Variants in CNTN5 observed in about 807,000 individuals in gnomAD.
The protein encoded by CNTN5 is contactin 5.
Under a neutral mutation model 129.1 loss-of-function variants are expected in CNTN5, and 77 were observed. The observed-to-expected ratio is 0.60, with a 90% CI of 0.50 to 0.72. The LOEUF is 0.72. CNTN5 is among the 30% of genes least tolerant of loss of function. The pLI is 0.00. For synonymous variants in CNTN5, 509 were observed against 465.6 expected, an observed-to-expected ratio of 1.09 and a Z score of -1.20; for missense variants, 1,478 against 1,328.8, an observed-to-expected ratio of 1.11 and a Z score of -1.75.
chr11:99,057,710 C>A (rs1161889519), intron 1 of CNTN5, among the ~76,000 whole-genome samples: 2 of 151,552 alleles, frequency 1.3e-5, no homozygotes, highest in East Asian at 3.9e-4. Context: ...AAAAAAAGTG[C>A]CCACTGTAAT....
chr11:100,053,583 A>C (rs61908081), intron 9 of CNTN5, among the ~76,000 whole-genome samples: 32,591 of 151,640 alleles, frequency 0.21, 4,085 homozygotes, highest in East Asian at 0.46. Context: ...AGTATTTTCA[A>C]AGATGTAGAA....
chr11:99,802,885 A>G (rs1378232077), intron 3 of CNTN5, among the ~76,000 whole-genome samples: 3 of 152,066 alleles, frequency 2.0e-5, no homozygotes, highest in East Asian at 1.9e-4. Flanking sequence ...ATGCAACACC[A>G]TCTATGCACA....
chr11:99,972,804 G>T (rs936387625), intron 8 of CNTN5, among the ~76,000 whole-genome samples: 1 of 152,068 alleles, frequency 6.6e-6, no homozygotes, highest in Non-Finnish European at 1.5e-5. Context: ...GGAAGAACGA[G>T]ACCAGTTATG....
At chr11:99,333,972 TCA>T (rs3990852) in intron 2 of CNTN5, among the ~76,000 whole-genome samples, 16,454 of 148,918 alleles carry the variant, frequency 0.11, 1,023 homozygotes, top group East Asian at 0.22. Flanking sequence ...TCTCTCTCTC[TCA>T]CACACACACA....
chr11:99,299,140 T>C (rs961864104), intron 1 of CNTN5, among the ~76,000 whole-genome samples: 1 of 151,888 alleles, frequency 6.6e-6, no homozygotes. Context: ...TACCAAAAAA[T>C]AAAGGAAAAT....
At chr11:99,945,355 T>TAGAGCATTGAGCAAGGCAAAGA (rs1950530845) in intron 7 of CNTN5, among the ~76,000 whole-genome samples, 1 of 152,078 alleles carries the variant, frequency 6.6e-6, no homozygotes, top group Non-Finnish European at 1.5e-5. Context: ...ATGACTGTCC[T>TAGAGCATTGAGCAAGGCAAAGA]GCAAAGTCAA....
intron 3 of CNTN5, among the ~76,000 whole-genome samples, chr11:99,643,527 A>G (rs1056577080): frequency 9.2e-5 from 14 of 152,194 alleles, no homozygotes; most frequent in Non-Finnish European, 1.9e-4. Flanking sequence ...TTTGTTGAGT[A>G]TTATATGAGT....
At position 99,204,578 on chromosome 11, in the gene CNTN5, G is replaced by A. The variant is rs942381606; in HGVS notation, c.-209-120768G>A. The stretch of plus-strand genomic sequence containing the variant: ...TTTTGCCATTTTCTCAGAAAATCAC[G>A]ACTAGCTTCTGGCCATGACAAAAGT... On this transcript the variant is annotated intron_variant, in intron 1 of 24. Coordinates refer to ENST00000524871, the MANE Select transcript of CNTN5 (RefSeq NM_014361.4). Among the ~76,000 whole-genome samples the A allele has an allele frequency of 3.3e-5, 5 of 152,042 alleles. No homozygotes were observed. The East Asian group carries it at 9.6e-4, about 29-fold the overall frequency.
chr11:99,432,464 C>CCTTTTCTTTTCTTCTCTTTT (rs1943420342), intron 2 of CNTN5, among the ~76,000 whole-genome samples: 1 of 116,378 alleles, frequency 8.6e-6, no homozygotes, highest in East Asian at 2.3e-4. Flanking sequence ...TCTTTTCTTT[C>CCTTTTCTTTTCTTCTCTTTT]CTTTTCTTTT....
intron 6 of CNTN5, among the ~76,000 whole-genome samples, chr11:99,871,891 G>C (rs1324563517): frequency 6.6e-6 from 1 of 151,410 alleles, no homozygotes; most frequent in Admixed American, 6.6e-5. Context: ...TAGCCATGAT[G>C]CATATTGGCT....
At chr11:99,507,804 T>C (rs986376535) in intron 2 of CNTN5, among the ~76,000 whole-genome samples, 1 of 152,198 alleles carries the variant, frequency 6.6e-6, no homozygotes, top group Non-Finnish European at 1.5e-5. Flanking sequence ...TTCCAGCTTC[T>C]TTTCCGTTTT....
intron 6 of CNTN5, among the ~76,000 whole-genome samples, chr11:99,861,243 C>T (rs765413063): frequency 8.5e-5 from 13 of 152,200 alleles, no homozygotes; most frequent in Non-Finnish European, 1.6e-4. Context: ...AGGCGTGAGC[C>T]ACCACACCTG....
chr11:99,966,248 TA>T, intron 8 of CNTN5, among the ~76,000 whole-genome samples: 1 of 152,354 alleles, frequency 6.6e-6, no homozygotes, highest in South Asian at 2.1e-4. Context: ...AATTGAATTT[TA>T]CTTAATAACT....
intron 3 of CNTN5, among the ~76,000 whole-genome samples, chr11:99,718,389 T>A (rs191034998): frequency 6.6e-6 from 1 of 152,248 alleles, no homozygotes; most frequent in East Asian, 1.9e-4. Flanking sequence ...ACAGATCCTG[T>A]TTTCAGAGAT....
At chr11:100,164,011 C>T (rs751883689) in intron 13 of CNTN5, among the ~76,000 whole-genome samples, 8 of 151,842 alleles carry the variant, frequency 5.3e-5, no homozygotes, top group Non-Finnish European at 7.4e-5. Flanking sequence ...CTCAAGTCTA[C>T]ACTCCTAACC....
chr11:99,234,264 G>A (rs961331128), intron 1 of CNTN5, among the ~76,000 whole-genome samples: 1 of 151,970 alleles, frequency 6.6e-6, no homozygotes, highest in Non-Finnish European at 1.5e-5. Flanking sequence ...TGTTGGACGG[G>A]GACGGGGGAT....
In CNTN5 at chr11:99,304,976, G is replaced by A. The variant is rs76048531; in HGVS notation, c.-209-20370G>A. On this transcript the variant is annotated intron_variant, in intron 1 of 24. Coordinates refer to ENST00000524871, the MANE Select transcript of CNTN5 (RefSeq NM_014361.4). ...TAATAGATATATCTGTTAGCCCACAGATCTGGGGTAATGATATTTTAGATA... is the reference window on the plus strand; with the variant it reads ...TAATAGATATATCTGTTAGCCCACAAATCTGGGGTAATGATATTTTAGATA... Among the ~76,000 whole-genome samples the A allele has an allele frequency of 3.7e-3, 567 of 152,302 alleles. 5 individuals are homozygous for A. Among genetic ancestry groups the A allele is most frequent in the African/African-American group, 0.011 (476 of 41,566 alleles).
intron 1 of CNTN5, among the ~76,000 whole-genome samples, chr11:99,178,657 G>A (rs1159308788): frequency 6.6e-6 from 1 of 152,080 alleles, no homozygotes; most frequent in African/African-American, 2.4e-5. Flanking sequence ...TTAGAATAAT[G>A]TCTTCACAAC....
At chr11:100,128,310 G>C (rs1279407013) in intron 13 of CNTN5, among the ~76,000 whole-genome samples, 5 of 152,012 alleles carry the variant, frequency 3.3e-5, no homozygotes, top group Non-Finnish European at 7.4e-5. Flanking sequence ...AGTCATCTTT[G>C]ATACTTTCCT....
Sources: gnomAD v4.1 joint callset for allele counts (sites outside exome capture counted in the v4.1 genomes callset) on GRCh38, gnomAD v4.1.1 for gene constraint, MANE v1.5 for transcripts, NCBI Gene and HGNC (gene_info 2026-07-23, HGNC 2026-07-21) for gene names.